Variants in SQSTM1 observed in about 807,000 individuals in gnomAD.
The protein encoded by SQSTM1 is sequestosome 1.
Under a neutral mutation model 45.1 loss-of-function variants are expected in SQSTM1, and 36 were observed. That is an observed-to-expected ratio of 0.80 (90% confidence interval 0.61 to 1.05). SQSTM1 has a LOEUF of 1.05. SQSTM1 is among the 50% of genes least tolerant of loss of function. The pLI is 0.00. For synonymous variants in SQSTM1, 290 were observed against 244.3 expected, an observed-to-expected ratio of 1.19 and a Z score of -1.74; for missense variants, 617 against 607.1, an observed-to-expected ratio of 1.02 and a Z score of -0.17.
At chr5:179,825,320 T>C (rs536526473) in intron 5 of SQSTM1, 94 bp downstream of exon 5, 2 of 1,091,480 alleles carry the variant, frequency 1.8e-6, no homozygotes, top group Non-Finnish European at 1.4e-6. Context: ...GTAATTGACA[T>C]GCCCTTGACA....
Position 179,820,990 on chromosome 5 carries a change from C to G in SQSTM1, c.54C>G (p.Arg18=). ...TTCTGGGCAAGGAGGACGCGGCGCG[C>G]GAGATTCGCCGCTTCAGCTTCTGCT... ...AYLLGKEDAA[R]EIRRFSFCCS... The change falls in exon 1 of 8, where the codon CGC becomes CGG. Residue 18 remains arginine (R), a synonymous_variant. Coordinates refer to ENST00000389805, the MANE Select transcript of SQSTM1 (RefSeq NM_003900.5). The G allele has an allele frequency of 6.4e-7, 1 of 1,573,858 alleles. No individual in the cohort carries two copies. Among genetic ancestry groups the G allele is most frequent in the Non-Finnish European group, 8.6e-7 (1 of 1,169,122 alleles).
At chr5:179,822,703 G>A in intron 1 of SQSTM1, 1 of 510,772 alleles carries the variant, frequency 2.0e-6, no homozygotes, top group Non-Finnish European at 3.6e-6. Context: ...AGCCAAAGCT[G>A]CTGCCCCTGT....
At chr5:179,830,226 C>T (rs539960821) in intron 5 of SQSTM1, among the ~76,000 whole-genome samples, 6 of 152,300 alleles carry the variant, frequency 3.9e-5, no homozygotes, top group African/African-American at 1.4e-4. Flanking sequence ...GACCCCACAG[C>T]AAAGCTTATC....
At position 179,836,654 on chromosome 5, in the gene SQSTM1, G is replaced by A. The variant is rs750423230; in HGVS notation, c.*61G>A. 49 of 1,611,826 alleles carry A rather than the reference G, an allele frequency of 3.0e-5. No individual in the cohort carries two copies. Among genetic ancestry groups the A allele is most frequent in the Middle Eastern group, 1.6e-4 (1 of 6,084 alleles). On this transcript the variant is annotated 3_prime_UTR_variant, in exon 8 of 8. Coordinates refer to ENST00000389805, the MANE Select transcript of SQSTM1 (RefSeq NM_003900.5). ...TGTCTCATAGTTGTGTTAAGCTTGC[G>A]TAGAATTGCAGGTCTCTGTACGGGC...
intron 1 of SQSTM1, among the ~76,000 whole-genome samples, chr5:179,810,538 C>T (rs1757365967): frequency 1.3e-5 from 2 of 152,128 alleles, no homozygotes; most frequent in African/African-American, 4.8e-5. Context: ...GGGTTGGTTC[C>T]AAGTCTTTGC....
chr5:179,834,830 G>A (rs1055877652), intron 7 of SQSTM1, among the ~76,000 whole-genome samples: 21 of 152,208 alleles, frequency 1.4e-4, no homozygotes, highest in African/African-American at 1.9e-4. Flanking sequence ...GCAACCATCC[G>A]ATTTCTCAAT....
chr5:179,833,579 T>C lies in SQSTM1; in HGVS notation c.970-8T>C, dbSNP rs200084488. 1.1e-5 allele frequency: 18 copies of C among 1,614,162 alleles called. No individual in the cohort carries two copies. In the African/African-American group the frequency reaches 2.0e-4, roughly 18 times the overall value. On this transcript the variant is annotated splice_region_variant and splice_polypyrimidine_tract_variant and intron_variant, in intron 6 of 7. Coordinates refer to ENST00000389805, the MANE Select transcript of SQSTM1 (RefSeq NM_003900.5). The stretch of plus-strand genomic sequence containing the variant: ...TCTCCTGTGTGCTCATGGTGAGTTT[T>C]GTTCCAGGAACAGATGGAGTCGGAT...
At chr5:179,829,644 A>G (rs1024222663) in intron 5 of SQSTM1, among the ~76,000 whole-genome samples, 11 of 152,354 alleles carry the variant, frequency 7.2e-5, no homozygotes, top group South Asian at 2.1e-4. Context: ...AGATTCTACT[A>G]TTGTCTCAAG....
At chr5:179,825,831 G>A (rs554846967) in intron 5 of SQSTM1, among the ~76,000 whole-genome samples, 45 of 152,160 alleles carry the variant, frequency 3.0e-4, no homozygotes, top group African/African-American at 1.0e-3. Context: ...CCTCCCTGCT[G>A]GGCTTTAGAA....
At chr5:179,823,584 C>T (rs1238799741) in intron 2 of SQSTM1, 4 of 517,278 alleles carry the variant, frequency 7.7e-6, no homozygotes, top group East Asian at 3.4e-5. Flanking sequence ...GGTCTGGTGC[C>T]GTGGCGCTTG....
At chr5:179,821,238 G>A in intron 1 of SQSTM1, 97 bp downstream of exon 1, 1 of 1,150,258 alleles carries the variant, frequency 8.7e-7, no homozygotes, top group Non-Finnish European at 1.1e-6. Flanking sequence ...GACGCCTGGC[G>A]GGCCGTGAGG....
chr5:179,832,971 C>T, intron 5 of SQSTM1, 61 bp from the exon 6 acceptor site: 1 of 1,568,634 alleles, frequency 6.4e-7, no homozygotes, highest in Non-Finnish European at 8.8e-7. Flanking sequence ...GGCCAAGCTC[C>T]TGCTTGCAGG....
At position 179,836,566 on chromosome 5, in the gene SQSTM1, G is replaced by A; in HGVS notation, c.1296G>A (p.Gln432=). The A allele has an allele frequency of 6.2e-7, 1 of 1,614,130 alleles. No individual in the cohort carries two copies. Among genetic ancestry groups the A allele is most frequent in the Admixed American group, 1.7e-5 (1 of 60,020 alleles). Residue 432 remains glutamine (Q), a synonymous_variant, in exon 8 of 8, where the codon CAG becomes CAA. Coordinates refer to ENST00000389805, the MANE Select transcript of SQSTM1 (RefSeq NM_003900.5). ...TCGGAGCGGCTCTGGACACCATCCAGTATTCAAAGCATCCCCCGCCGTTGT... is the reference window on the plus strand; with the variant it reads ...TCGGAGCGGCTCTGGACACCATCCAATATTCAAAGCATCCCCCGCCGTTGT... ...YDIGAALDTI[Q]YSKHPPPL is the part of the protein sequence containing the mutation.
At chr5:179,817,024 C>T (rs928783378), upstream of SQSTM1, among the ~76,000 whole-genome samples, 3 of 151,872 alleles carry the variant, frequency 2.0e-5, no homozygotes, top group African/African-American at 7.2e-5. Context: ...CCGGTGGCCC[C>T]GGGCAGGCCA....
intron 5 of SQSTM1, among the ~76,000 whole-genome samples, chr5:179,828,059 C>G (rs1421500918): frequency 6.6e-6 from 1 of 152,182 alleles, no homozygotes; most frequent in Non-Finnish European, 1.5e-5. Flanking sequence ...AACCGACACG[C>G]AGAGGCTTTG....
chr5:179,833,471 G>A, intron 6 of SQSTM1, 116 bp from the exon 7 acceptor site: 1 of 1,170,358 alleles, frequency 8.5e-7, no homozygotes, highest in Non-Finnish European at 1.2e-6. Context: ...GACCCCTGCA[G>A]CCTTAACTGC....
chr5:179,814,203 A>T (rs1757514764), upstream of SQSTM1, among the ~76,000 whole-genome samples: 1 of 152,218 alleles, frequency 6.6e-6, no homozygotes, highest in African/African-American at 2.4e-5. Flanking sequence ...CAGGCCCCAG[A>T]TGCTGAATCT....
Position 179,806,821 on chromosome 5 carries a change from G to A in SQSTM1, c.-157+230G>A, listed in dbSNP as rs994449737. ...GAAGAGGAACAGGCTCAGAAGGGCA[G>A]AGGCAGGTATCAGGCTCACTGCAGA... On this transcript the variant is annotated intron_variant, in intron 1 of 5. Coordinates refer to the SQSTM1 transcript ENST00000514093. This position sits in a 1 kb window ranked among gnomAD's most constrained non-coding sequence, Gnocchi z 4.6. 6.7e-6 allele frequency: 1 copy of A among 150,158 alleles called. No homozygotes were observed. Among genetic ancestry groups the A allele is most frequent in the Non-Finnish European group, 1.5e-5 (1 of 67,486 alleles). 9.3% of individuals were successfully genotyped at this position (150,158 alleles called of 1,614,324 possible). A position where few individuals can be genotyped will look rare whatever the true frequency, so the allele number is the denominator to read the frequency against.
intron 5 of SQSTM1, 43 bp from the exon 6 acceptor site, chr5:179,832,989 T>C (rs1302514059): frequency 1.9e-6 from 3 of 1,607,426 alleles, no homozygotes; most frequent in African/African-American, 2.7e-5. Flanking sequence ...AGGTGCATCC[T>C]TGGGGGAACT....
Sources: gnomAD v4.1 joint callset for allele counts (sites outside exome capture counted in the v4.1 genomes callset) on GRCh38, gnomAD v4.1.1 for gene constraint, Gnocchi (gnomAD v3.1) non-coding constraint, MANE v1.5 for transcripts, NCBI Gene and HGNC (gene_info 2026-07-23, HGNC 2026-07-21) for gene names.